The following TAF4B variants were observed in gnomAD, a reference collection of about 807,000 sequenced individuals.
TAF4B encodes the protein TATA-box binding protein associated factor 4b.
Under a neutral mutation model 86.4 loss-of-function variants are expected in TAF4B, and 38 were observed. The observed-to-expected ratio is 0.44, with a 90% CI of 0.34 to 0.58. The LOEUF is 0.58. TAF4B is among the 20% of genes least tolerant of loss of function. TAF4B has a pLI of 0.02. For missense variants in TAF4B, 988 were observed against 1,027.6 expected, an observed-to-expected ratio of 0.96 and a Z score of 0.53; for synonymous variants, 388 against 391.2, an observed-to-expected ratio of 0.99 and a Z score of 0.10.
intron 7 of TAF4B, among the ~76,000 whole-genome samples, chr18:26,289,686 G>A (rs893861675): frequency 2.6e-5 from 4 of 152,088 alleles, no homozygotes; most frequent in South Asian, 2.1e-4. Context: ...ACGGGGTTTC[G>A]CTGTGTTGCC....
At chr18:26,281,835 TGAA>T (rs753749174) in intron 5 of TAF4B, 133 bp from the exon 6 acceptor site, 7 of 601,438 alleles carry the variant, frequency 1.2e-5, no homozygotes, top group Non-Finnish European at 2.0e-5. Context: ...ATAGGTGGCA[TGAA>T]GAAAAAAGCC....
At chr18:26,295,956 ATAGTT>A (rs2056657088) in intron 9 of TAF4B, among the ~76,000 whole-genome samples, 2 of 149,890 alleles carry the variant, frequency 1.3e-5, no homozygotes, top group African/African-American at 2.5e-5. Context: ...TTCTTGGAGT[ATAGTT>A]TTAAATATTA....
chr18:26,351,363 A>G (rs1158018335), intron 13 of TAF4B, among the ~76,000 whole-genome samples: 1 of 152,174 alleles, frequency 6.6e-6, no homozygotes, highest in Non-Finnish European at 1.5e-5. Flanking sequence ...AGAGGATGGA[A>G]AGGGTCTGGG....
chr18:26,241,890 C>T lies in TAF4B; in HGVS notation c.343+14614C>T, dbSNP rs1003315534. Among the ~76,000 whole-genome samples the T allele has an allele frequency of 1.9e-4, 29 of 152,204 alleles. 1 individual carries two copies. The Middle Eastern group carries it at 0.01, about 54-fold the overall frequency. ...GTTGTTCAGTTTCCATGTAGTTGAG[C>T]GGTTTTGAGTGAGTTTCTTAATCCT... On this transcript the variant is annotated intron_variant, in intron 1 of 14. Coordinates refer to ENST00000269142, the MANE Select transcript of TAF4B (RefSeq NM_005640.3).
chr18:26,326,406 T>C (rs2057005618), intron 11 of TAF4B, among the ~76,000 whole-genome samples: 1 of 152,238 alleles, frequency 6.6e-6, no homozygotes, highest in South Asian at 2.1e-4. Flanking sequence ...ACAGTTTCTG[T>C]CCAAATTCAC....
chr18:26,322,692 A>G (rs748150146), intron 11 of TAF4B, among the ~76,000 whole-genome samples: 2 of 151,864 alleles, frequency 1.3e-5, no homozygotes, highest in Non-Finnish European at 2.9e-5. Context: ...CAAATAACCA[A>G]CTTTTGGTTT....
At position 26,246,895 on chromosome 18, in the gene TAF4B, G is replaced by C. The variant is rs566432061; in HGVS notation, c.344-18275G>C. Among the ~76,000 whole-genome samples the C allele has an allele frequency of 5.3e-4, 79 of 149,224 alleles. 2 individuals are homozygous for C. In the South Asian group the frequency reaches 0.015, roughly 29 times the overall value. ...GATATAGTTTCACTCTTGTTGCCCA[G>C]GTTGGAGTGCAGTGGCATGATTTCG... On this transcript the variant is annotated intron_variant, in intron 1 of 14. Coordinates refer to ENST00000269142, the MANE Select transcript of TAF4B (RefSeq NM_005640.3).
At chr18:26,328,002 G>C (rs919721047) in intron 12 of TAF4B, among the ~76,000 whole-genome samples, 2 of 152,136 alleles carry the variant, frequency 1.3e-5, no homozygotes. Context: ...ACATTTCTTC[G>C]TAGGCTTTGG....
intron 14 of TAF4B, among the ~76,000 whole-genome samples, chr18:26,365,570 A>G (rs928079912): frequency 3.9e-5 from 6 of 152,178 alleles, no homozygotes; most frequent in African/African-American, 1.4e-4. Flanking sequence ...AGGTAAGAGG[A>G]AAAAGCAGAC....
chr18:26,369,892 T>C (rs1286844789), intron 14 of TAF4B, among the ~76,000 whole-genome samples: 1 of 152,220 alleles, frequency 6.6e-6, no homozygotes, highest in Non-Finnish European at 1.5e-5. Flanking sequence ...GATGGGTTCC[T>C]GAATTAGTTC....
chr18:26,243,586 CTCA>C lies in TAF4B; in HGVS notation c.343+16314_343+16316del, dbSNP rs540016597. The stretch of plus-strand genomic sequence containing the variant: ...GTCGTCTGAAGCCTTCTTCTCTCAA[CTCA>C]TCAAAGTCATTCTCCGTCCAGCTTC... On this transcript the variant is annotated intron_variant, in intron 1 of 14. Transcript: ENST00000269142. Among the ~76,000 whole-genome samples, 3 of 152,328 alleles carry C rather than the reference CTCA, an allele frequency of 2.0e-5. No homozygotes were observed. The South Asian group carries it at 6.2e-4, about 32-fold the overall frequency.
intron 1 of TAF4B, among the ~76,000 whole-genome samples, chr18:26,251,251 T>G (rs2056002532): frequency 6.6e-6 from 1 of 152,180 alleles, no homozygotes. Context: ...AAATCTGCGT[T>G]TTCCTAACCC....
At chr18:26,284,441 T>A (rs1333413695) in intron 6 of TAF4B, among the ~76,000 whole-genome samples, 6 of 152,262 alleles carry the variant, frequency 3.9e-5, no homozygotes, top group Non-Finnish European at 8.8e-5. Context: ...ACGACTTGGC[T>A]GTTTGGCACA....
At chr18:26,386,438 T>C (rs984542457) in intron 14 of TAF4B, among the ~76,000 whole-genome samples, 8 of 152,150 alleles carry the variant, frequency 5.3e-5, no homozygotes, top group Non-Finnish European at 7.4e-5. Context: ...TATTGAAATA[T>C]AGCATCAATA....
chr18:26,260,209 A>C (rs2056144154), intron 1 of TAF4B, among the ~76,000 whole-genome samples: 1 of 151,998 alleles, frequency 6.6e-6, no homozygotes, highest in Non-Finnish European at 1.5e-5. Flanking sequence ...AGATTGCAAA[A>C]ATTTTCTCCC....
chr18:26,284,053 C>CAAA (rs199554921), intron 6 of TAF4B, among the ~76,000 whole-genome samples: 1 of 130,386 alleles, frequency 7.7e-6, no homozygotes, highest in Non-Finnish European at 1.6e-5. Context: ...GACTCCGTCT[C>CAAA]AAAAAAAAAA....
At chr18:26,247,460 C>T (rs1034573008) in intron 1 of TAF4B, among the ~76,000 whole-genome samples, 1 of 152,136 alleles carries the variant, frequency 6.6e-6, no homozygotes, top group African/African-American at 2.4e-5. Context: ...CAGTGCCTAC[C>T]TGTCCCTATT....
intron 14 of TAF4B, among the ~76,000 whole-genome samples, chr18:26,381,584 G>A (rs1319637841): frequency 2.6e-5 from 4 of 151,858 alleles, no homozygotes; most frequent in African/African-American, 7.3e-5. Context: ...AAAGTTAGCC[G>A]GGCTTGGTGG....
intron 11 of TAF4B, among the ~76,000 whole-genome samples, chr18:26,326,663 A>C (rs1204550532): frequency 6.6e-6 from 1 of 152,172 alleles, no homozygotes; most frequent in African/African-American, 2.4e-5. Flanking sequence ...ATAATCTAAA[A>C]AGATTTTGGT....
Sources: gnomAD v4.1 joint callset for allele counts (sites outside exome capture counted in the v4.1 genomes callset) on GRCh38, gnomAD v4.1.1 for gene constraint, MANE v1.5 for transcripts, NCBI Gene and HGNC (gene_info 2026-07-23, HGNC 2026-07-21) for gene names.